Variants in TAF4B observed in about 807,000 individuals in gnomAD.
TAF4B encodes the protein TATA-box binding protein associated factor 4b.
TAF4B carries 38 observed loss-of-function variants against 86.4 expected under a neutral mutation model. That is an observed-to-expected ratio of 0.44 (90% confidence interval 0.34 to 0.58). TAF4B has a LOEUF of 0.58. Among genes scored for constraint, TAF4B ranks in the 20% least tolerant of loss-of-function variants. The probability of loss-of-function intolerance (pLI) is 0.02; values close to 1 mark genes in which losing one functional copy is unlikely to be tolerated. For synonymous variants in TAF4B, 388 were observed against 391.2 expected, an observed-to-expected ratio of 0.99 and a Z score of 0.10; for missense variants, 988 against 1,027.6, an observed-to-expected ratio of 0.96 and a Z score of 0.53.
At chr18:26,242,807 T>C (rs1461586473) in intron 1 of TAF4B, among the ~76,000 whole-genome samples, 1 of 152,202 alleles carries the variant, frequency 6.6e-6, no homozygotes, top group Non-Finnish European at 1.5e-5. Context: ...CAGCATTTGT[T>C]TGTCTGTAAA....
At chr18:26,383,601 A>G (rs1468450298) in intron 14 of TAF4B, among the ~76,000 whole-genome samples, 3 of 152,190 alleles carry the variant, frequency 2.0e-5, no homozygotes, top group Non-Finnish European at 2.9e-5. Flanking sequence ...TCTGTTGGAG[A>G]TAAAGATGGG....
chr18:26,382,518 T>C (rs1978295462), intron 14 of TAF4B, among the ~76,000 whole-genome samples: 1 of 152,062 alleles, frequency 6.6e-6, no homozygotes, highest in South Asian at 2.1e-4. Context: ...TGGGGATGAG[T>C]AGGTGAGGTA....
intron 13 of TAF4B, among the ~76,000 whole-genome samples, chr18:26,356,761 T>A (rs1322618460): frequency 6.7e-6 from 1 of 149,998 alleles, no homozygotes; most frequent in Non-Finnish European, 1.5e-5. Context: ...ATTTATCTAG[T>A]GGTGTTCTAT....
intron 13 of TAF4B, among the ~76,000 whole-genome samples, chr18:26,356,780 TCTCA>T (rs1252934331): frequency 1.6e-5 from 2 of 128,334 alleles, no homozygotes. Context: ...ATTTTGACTT[TCTCA>T]CTTGGTGTTT....
chr18:26,339,096 C>T (rs1490125601), intron 13 of TAF4B, among the ~76,000 whole-genome samples: 2 of 152,172 alleles, frequency 1.3e-5, no homozygotes, highest in Non-Finnish European at 2.9e-5. Context: ...TCCTGTAATT[C>T]AAACGTTTTA....
At chr18:26,285,637 G>C (rs2056510346) in intron 6 of TAF4B, among the ~76,000 whole-genome samples, 1 of 152,074 alleles carries the variant, frequency 6.6e-6, no homozygotes, top group Admixed American at 6.6e-5. Flanking sequence ...TTGATATTGA[G>C]GGAATACAAA....
intron 6 of TAF4B, among the ~76,000 whole-genome samples, chr18:26,283,180 A>G (rs2056470573): frequency 6.6e-6 from 1 of 152,178 alleles, no homozygotes; most frequent in Admixed American, 6.5e-5. Context: ...AATCTTTTCC[A>G]GAAGGTTTTC....
At chr18:26,328,800 A>G (rs1381060260) in intron 12 of TAF4B, among the ~76,000 whole-genome samples, 1 of 151,586 alleles carries the variant, frequency 6.6e-6, no homozygotes, top group Non-Finnish European at 1.5e-5. Flanking sequence ...TTTGTATTTT[A>G]GTAGTGACAG....
intron 9 of TAF4B, among the ~76,000 whole-genome samples, chr18:26,306,326 C>A (rs73395932): frequency 0.014 from 2,141 of 152,238 alleles, 48 homozygotes; most frequent in African/African-American, 0.049. Flanking sequence ...TATATCAAAT[C>A]TACCTCCTTA....
At chr18:26,372,176 A>C (rs1288376384) in intron 14 of TAF4B, among the ~76,000 whole-genome samples, 1 of 152,206 alleles carries the variant, frequency 6.6e-6, no homozygotes, top group African/African-American at 2.4e-5. Flanking sequence ...CATGGAAGTG[A>C]GAGAAAGTAA....
chr18:26,379,901 G>A (rs563672515), intron 14 of TAF4B, among the ~76,000 whole-genome samples: 5 of 151,946 alleles, frequency 3.3e-5, no homozygotes, highest in Non-Finnish European at 7.4e-5. Context: ...TTATACATAG[G>A]TATATTTTTT....
intron 5 of TAF4B, among the ~76,000 whole-genome samples, chr18:26,275,884 C>T (rs79527417): frequency 0.076 from 11,501 of 151,774 alleles, 539 homozygotes; most frequent in Non-Finnish European, 0.1. Flanking sequence ...GGTGTGGTGG[C>T]GCACGCCTGT....
At chr18:26,297,651 G>A (rs1274762181) in intron 9 of TAF4B, among the ~76,000 whole-genome samples, 7 of 147,166 alleles carry the variant, frequency 4.8e-5, no homozygotes, top group South Asian at 2.1e-4. Flanking sequence ...CCATGTTGTT[G>A]TATGTATCAG....
rs1403695477 is a variant in TAF4B at position 26,267,522 on chromosome 18, A to G, written c.496A>G (p.Ser166Gly). ...TVKICTVPNS[S>G]SQLIKKVAVT... ...GCTCCCCTCCACCGCCAAGAACTCT[A>G]GCTCACAATTAATCAAGAAAGTGGC... The change falls in exon 3 of 15, where the codon AGC becomes GGC. Residue 166 changes from serine to glycine, a missense_variant. By Grantham distance (56) the Ser-to-Gly change is moderately conservative. Around this residue, in one of 3 missense-constraint regions of TAF4B, gnomAD observed 747 missense variants for 737.9 expected, o/e 1.01. Transcript: ENST00000269142. 2 of 1,613,532 alleles carry G rather than the reference A, an allele frequency of 1.2e-6. No individual in the cohort carries two copies. The highest frequency in any genetic ancestry group is 2.2e-5 in the East Asian group (1 of 44,874).
chr18:26,247,490 T>C (rs2055944219), intron 1 of TAF4B, among the ~76,000 whole-genome samples: 8 of 152,150 alleles, frequency 5.3e-5, no homozygotes, highest in Admixed American at 5.2e-4. Context: ...AAAAAGATGA[T>C]GCTTACTGTA....
At chr18:26,281,412 T>A (rs1463550137) in intron 5 of TAF4B, among the ~76,000 whole-genome samples, 13 of 152,218 alleles carry the variant, frequency 8.5e-5, no homozygotes, top group African/African-American at 3.1e-4. Flanking sequence ...GGCAAAATTT[T>A]TAAAACTATA....
intron 9 of TAF4B, among the ~76,000 whole-genome samples, chr18:26,296,709 A>G (rs1370202755): frequency 6.6e-6 from 1 of 152,066 alleles, no homozygotes; most frequent in East Asian, 1.9e-4. Context: ...ATTCCTTTGC[A>G]CTCCTTACCA....
intron 5 of TAF4B, among the ~76,000 whole-genome samples, chr18:26,281,769 C>A (rs1242721633): frequency 6.6e-6 from 1 of 152,104 alleles, no homozygotes; most frequent in African/African-American, 2.4e-5. Context: ...AAAAAATCAC[C>A]CCTTCATTGT....
At chr18:26,368,557 A>G (rs1290655326) in intron 14 of TAF4B, among the ~76,000 whole-genome samples, 1 of 152,192 alleles carries the variant, frequency 6.6e-6, no homozygotes, top group Non-Finnish European at 1.5e-5. Context: ...AGGGGACCAC[A>G]GTTTTCTAAA....
Sources: gnomAD v4.1 joint callset for allele counts (sites outside exome capture counted in the v4.1 genomes callset) on GRCh38, gnomAD v4.1.1 for gene constraint, gnomAD v4.1.1 regional missense constraint, MANE v1.5 for transcripts, NCBI Gene and HGNC (gene_info 2026-07-23, HGNC 2026-07-21) for gene names.